PAIP2: variants seen among roughly 807,000 people sequenced by gnomAD.
PAIP2 encodes the protein polyadenylate-binding protein-interacting protein 2.
In PAIP2, 7 loss-of-function variants were observed where a neutral mutation model predicts 14.8. The ratio of observed to expected loss-of-function variants is 0.47; its 90% CI spans 0.27 to 0.89. The LOEUF is 0.89. Among genes scored for constraint, PAIP2 ranks in the 40% least tolerant of loss-of-function variants. The pLI is 0.13. For missense variants in PAIP2, 122 were observed against 154.7 expected (o/e 0.79, Z 1.12); for synonymous variants, 47 against 45.3 (o/e 1.04, Z -0.15).
intron 2 of PAIP2, 108 bp downstream of exon 2, chr5:139,364,030 A>G: frequency 1.1e-6 from 1 of 903,286 alleles, no homozygotes; most frequent in Non-Finnish European, 1.7e-6. Context: ...AAGTATGTAG[A>G]CTGATGTGCC....
intron 1 of PAIP2, among the ~76,000 whole-genome samples, chr5:139,361,893 C>T (rs1757075439): frequency 6.9e-6 from 1 of 144,966 alleles, no homozygotes; most frequent in African/African-American, 2.5e-5. Context: ...TTGCGGTGAG[C>T]TGAGATCACG....
chr5:139,352,496 T>G (rs1017205561), intron 1 of PAIP2, among the ~76,000 whole-genome samples: 26 of 92,868 alleles, frequency 2.8e-4, no homozygotes, highest in African/African-American at 6.3e-4. Context: ...CAGTTTTTTT[T>G]TTGTTGTTTT....
chr5:139,360,412 A>C (rs1757034533), intron 1 of PAIP2, among the ~76,000 whole-genome samples: 1 of 152,190 alleles, frequency 6.6e-6, no homozygotes, highest in Non-Finnish European at 1.5e-5. Context: ...ATTTCCTAAC[A>C]AATCATATTA....
intron 3 of PAIP2, among the ~76,000 whole-genome samples, chr5:139,365,535 G>A (rs573791584): frequency 2.0e-5 from 3 of 151,596 alleles, no homozygotes; most frequent in South Asian, 2.1e-4. Context: ...ACATGGTGGC[G>A]GGCGCCTGTA....
chr5:139,348,036 G>A (rs1266622374), intron 1 of PAIP2, among the ~76,000 whole-genome samples: 7 of 151,862 alleles, frequency 4.6e-5, no homozygotes, highest in Non-Finnish European at 7.4e-5. Context: ...GCCAGGCACA[G>A]GCATGGTGTT....
intron 1 of PAIP2, among the ~76,000 whole-genome samples, chr5:139,351,993 T>C (rs946025130): frequency 6.6e-6 from 1 of 152,088 alleles, no homozygotes; most frequent in Non-Finnish European, 1.5e-5. Context: ...AATTTTCAAA[T>C]GAATACTGAA....
intron 1 of PAIP2, among the ~76,000 whole-genome samples, chr5:139,359,942 C>T (rs1437055462): frequency 2.0e-5 from 3 of 150,926 alleles, no homozygotes; most frequent in Non-Finnish European, 4.4e-5. Flanking sequence ...CTGTACTCTC[C>T]GTCTCAAAAA....
At chr5:139,347,268 C>CTTTT (rs34018719) in intron 1 of PAIP2, among the ~76,000 whole-genome samples, 42 of 105,846 alleles carry the variant, frequency 4.0e-4, no homozygotes, top group African/African-American at 5.2e-4. Context: ...CATGTTACAA[C>CTTTT]TTTTTTTTTT....
chr5:139,367,568 G>A (rs539845141), intron 3 of PAIP2: 13 of 152,146 alleles, frequency 8.5e-5, no homozygotes, highest in African/African-American at 3.1e-4. Context: ...GCAGGGCTGG[G>A]ATTTCAGGCT....
At chr5:139,361,935 CAAAAAAAAAAA>C (rs34168919) in intron 1 of PAIP2, among the ~76,000 whole-genome samples, 1 of 100,022 alleles carries the variant, frequency 1.0e-5, no homozygotes, top group Non-Finnish European at 1.9e-5. Flanking sequence ...GACCCTGTCT[CAAAAAAAAAAA>C]AAAAAAAAAG....
intron 1 of PAIP2, among the ~76,000 whole-genome samples, chr5:139,357,062 C>CATT (rs1756938230): frequency 6.6e-6 from 1 of 152,092 alleles, no homozygotes; most frequent in Non-Finnish European, 1.5e-5. Context: ...ATCTCTCTTC[C>CATT]ATTAGCTTAG....
chr5:139,343,883 A>G (rs75290693), intron 1 of PAIP2, among the ~76,000 whole-genome samples: 1 of 151,812 alleles, frequency 6.6e-6, no homozygotes, highest in African/African-American at 2.4e-5. Context: ...ACGCCGGCTA[A>G]TTTTTTGTAT....
chr5:139,362,468 C>T (rs1208499520), intron 1 of PAIP2, among the ~76,000 whole-genome samples: 6 of 137,414 alleles, frequency 4.4e-5, no homozygotes, highest in Admixed American at 2.4e-4. Flanking sequence ...TGGAGTGCAA[C>T]GGCGCAATCT....
At chr5:139,364,984 A>G (rs1368844780) in intron 3 of PAIP2, 1 of 249,872 alleles carries the variant, frequency 4.0e-6, no homozygotes, top group Admixed American at 5.4e-5. Context: ...ATCTCTACTA[A>G]AAATAAAAAA....
At chr5:139,364,046 T>A (rs771738883) in intron 2 of PAIP2, 124 bp downstream of exon 2, 5 of 787,768 alleles carry the variant, frequency 6.3e-6, no homozygotes, top group Non-Finnish European at 1.0e-5. Context: ...GTGCCACCAC[T>A]CCTGTTTATT....
At chr5:139,358,456 A>T (rs192424354) in intron 1 of PAIP2, among the ~76,000 whole-genome samples, 58 of 152,178 alleles carry the variant, frequency 3.8e-4, no homozygotes, top group African/African-American at 1.2e-3. Context: ...TTTTTTACTC[A>T]TTTTTTCTAT....
intron 1 of PAIP2, among the ~76,000 whole-genome samples, chr5:139,359,386 G>T (rs1237630249): frequency 6.6e-6 from 1 of 151,904 alleles, no homozygotes; most frequent in Non-Finnish European, 1.5e-5. Flanking sequence ...TGATCTGCCC[G>T]CCTCAGCCTC....
chr5:139,354,102 A>C (rs1756835326), intron 1 of PAIP2, among the ~76,000 whole-genome samples: 2 of 152,166 alleles, frequency 1.3e-5, no homozygotes, highest in African/African-American at 4.8e-5. Context: ...TACCTGTATA[A>C]GTTACTTTTA....
At chr5:139,368,295 G>A (rs368954895) in intron 3 of PAIP2, among the ~76,000 whole-genome samples, 1 of 152,072 alleles carries the variant, frequency 6.6e-6, no homozygotes, top group Admixed American at 6.6e-5. Flanking sequence ...AGCTGAGATC[G>A]CGCCACTGCA....
Sources: allele counts gnomAD v4.1 joint callset (sites outside exome capture counted in the v4.1 genomes callset), GRCh38; gene constraint gnomAD v4.1.1; transcripts MANE v1.5; gene names NCBI Gene and HGNC (gene_info 2026-07-23, HGNC 2026-07-21).